The following EPS15 variants were observed in gnomAD, a reference collection of about 807,000 sequenced individuals.
EPS15 encodes epidermal growth factor receptor substrate 15.
In EPS15, 72 loss-of-function variants were observed where a neutral mutation model predicts 113.8. That is an observed-to-expected ratio of 0.63 (90% CI 0.52 to 0.77). The LOEUF (loss-of-function observed/expected upper bound fraction) is 0.77. Among genes scored for constraint, EPS15 ranks in the 30% least tolerant of loss-of-function variants. The pLI is 0.00. For missense variants in EPS15, 1,048 were observed against 1,045.8 expected (o/e 1.00, Z -0.03); for synonymous variants, 344 against 363.4 (o/e 0.95, Z 0.61).
chr1:51,429,842 G>A (rs928213010), intron 12 of EPS15, among the ~76,000 whole-genome samples: 2 of 151,932 alleles, frequency 1.3e-5, no homozygotes, highest in East Asian at 3.9e-4. Flanking sequence ...GTAGAGATGG[G>A]GTTTCACCTT....
intron 21 of EPS15, chr1:51,372,793 T>G (rs1646690438): frequency 2.3e-6 from 1 of 427,218 alleles, no homozygotes. Context: ...TTACAAGACA[T>G]CAAAGATGCT....
rs536361721 is a variant in EPS15, at chr1:51,356,841, G to A, written c.2550C>T (p.Pro850=). The stretch of plus-strand genomic sequence containing the variant: ...CCCATTCGATCATATCTTCTTCAGA[G>A]GGATACTGCCATTTAAAAGATCGAT... ...PSNFANFSAY[P]SEEDMIEWAK... Residue 850 remains proline (P), a synonymous_variant, in exon 25 of 25, where the codon CCC becomes CCT. Coordinates refer to ENST00000371733, the MANE Select transcript of EPS15 (RefSeq NM_001981.3). 1.1e-5 allele frequency: 18 copies of A among 1,607,132 alleles called. No individual in the cohort carries two copies. The African/African-American group carries it at 1.3e-4, about 12-fold the overall frequency.
chr1:51,386,363 G>C (rs1647073028), intron 21 of EPS15, among the ~76,000 whole-genome samples: 2 of 152,188 alleles, frequency 1.3e-5, no homozygotes. Context: ...ACTGAGCTGG[G>C]TAGTGGTACT....
intron 12 of EPS15, among the ~76,000 whole-genome samples, chr1:51,431,022 ACAC>A (rs1557462650): frequency 6.3e-5 from 8 of 126,464 alleles, no homozygotes; most frequent in African/African-American, 1.7e-4. Context: ...ACACACACAC[ACAC>A]ACAAAAATAA....
chr1:51,429,869 T>G (rs2148460651), intron 12 of EPS15, among the ~76,000 whole-genome samples: 1 of 152,208 alleles, frequency 6.6e-6, no homozygotes, highest in East Asian at 1.9e-4. Context: ...CAGGCTGGTC[T>G]TGAACTCCTG....
intron 12 of EPS15, among the ~76,000 whole-genome samples, chr1:51,427,247 T>A (rs1557458466): frequency 6.6e-6 from 1 of 152,144 alleles, no homozygotes. Flanking sequence ...AAACCATATA[T>A]GGGATTGCTA....
intron 5 of EPS15, among the ~76,000 whole-genome samples, chr1:51,466,681 C>T (rs1654869283): frequency 6.6e-6 from 1 of 150,936 alleles, no homozygotes; most frequent in Non-Finnish European, 1.5e-5. Context: ...TAGATCAATA[C>T]TAACTTAAAT....
At chr1:51,517,011 A>G (rs1024178694) in intron 1 of EPS15, among the ~76,000 whole-genome samples, 7 of 152,196 alleles carry the variant, frequency 4.6e-5, no homozygotes, top group Non-Finnish European at 1.0e-4. Context: ...TCAGTAATGA[A>G]TGTGAAACCA....
chr1:51,490,901 T>C (rs1433635136), intron 1 of EPS15, among the ~76,000 whole-genome samples: 1 of 152,232 alleles, frequency 6.6e-6, no homozygotes, highest in Non-Finnish European at 1.5e-5. Context: ...CCAATGTCAA[T>C]TTCCTGTTTT....
intron 12 of EPS15, among the ~76,000 whole-genome samples, chr1:51,433,203 A>T (rs34725575): frequency 0.058 from 8,797 of 152,322 alleles, 345 homozygotes; most frequent in Non-Finnish European, 0.086. Context: ...CTTCAACTAG[A>T]GAAAGAAAGT....
chr1:51,517,471 G>A (rs922745142), intron 1 of EPS15, among the ~76,000 whole-genome samples: 11 of 152,304 alleles, frequency 7.2e-5, no homozygotes, highest in African/African-American at 2.4e-4. Flanking sequence ...AGAGAATAAA[G>A]TATGCACACA....
At chr1:51,509,645 T>C (rs1365437160) in intron 1 of EPS15, among the ~76,000 whole-genome samples, 1 of 152,210 alleles carries the variant, frequency 6.6e-6, no homozygotes, top group Admixed American at 6.5e-5. Context: ...AAAGTAAATA[T>C]TGGTATGATG....
chr1:51,448,098 G>A lies in EPS15; in HGVS notation c.599C>T (p.Pro200Leu). Residue 200 changes from proline to leucine, a missense_variant, in exon 9 of 25, where the codon CCT becomes CTT. Physicochemically the swap from Pro to Leu is moderately conservative, Grantham distance 98. Coordinates refer to ENST00000371733, the MANE Select transcript of EPS15 (RefSeq NM_001981.3). Reference protein sequence around the residue: ...FLVYCALEKEPVPMSLPPALV... With the variant: ...FLVYCALEKELVPMSLPPALV... ...GGCTGGAGGCAAGGACATTGGCACAGGTTCTTTCTCCAGTGCACAGTATAC... is the reference window on the plus strand; with the variant it reads ...GGCTGGAGGCAAGGACATTGGCACAAGTTCTTTCTCCAGTGCACAGTATAC... 2.5e-6 allele frequency: 4 copies of A among 1,613,772 alleles called. No individual in the cohort carries two copies. The highest frequency in any genetic ancestry group is 3.4e-6 in the Non-Finnish European group (4 of 1,179,734).
chr1:51,510,217 C>T (rs1644594588), intron 1 of EPS15, among the ~76,000 whole-genome samples: 1 of 152,126 alleles, frequency 6.6e-6, no homozygotes, highest in South Asian at 2.1e-4. Context: ...ACACACACAC[C>T]ACTGGATAAT....
Position 51,465,266 on chromosome 1 carries a change from C to A in EPS15, c.370G>T (p.Val124Leu), listed in dbSNP as rs139871931. Residue 124 changes from valine to leucine, a missense_variant, in exon 6 of 25, where the codon GTA (valine) becomes TTA (leucine). Val to Leu is a conservative substitution (Grantham distance 32). Coordinates refer to ENST00000371733, the MANE Select transcript of EPS15 (RefSeq NM_001981.3). ...GTSAAELPWA[V>L]KPEDKAKYDA... is the part of the protein sequence containing the mutation. Reference sequence around the variant, plus strand: ...TAGTTACAAAGTTTACTTACTTTTACAGCCCATGGGAGCTCAGCTGCAGAG... The same window carrying A: ...TAGTTACAAAGTTTACTTACTTTTAAAGCCCATGGGAGCTCAGCTGCAGAG... 2.6e-4 allele frequency: 419 copies of A among 1,601,482 alleles called. 1 individual carries two copies. Among genetic ancestry groups the A allele is most frequent in the Non-Finnish European group, 3.5e-4 (407 of 1,170,996 alleles).
At chr1:51,437,528 G>A (rs1570305067) in intron 12 of EPS15, among the ~76,000 whole-genome samples, 1 of 142,362 alleles carries the variant, frequency 7.0e-6, no homozygotes, top group African/African-American at 2.6e-5. Context: ...GAGTCTCACT[G>A]TGTTGCCCAG....
chr1:51,418,982 T>C (rs1325411150), intron 13 of EPS15, among the ~76,000 whole-genome samples: 1 of 152,148 alleles, frequency 6.6e-6, no homozygotes, highest in Non-Finnish European at 1.5e-5. Flanking sequence ...AGTGAATTTC[T>C]AAAATATCTG....
chr1:51,478,076 T>C (rs1250326433), intron 2 of EPS15, among the ~76,000 whole-genome samples: 1 of 152,228 alleles, frequency 6.6e-6, no homozygotes, highest in Non-Finnish European at 1.5e-5. Context: ...CCATTATTAC[T>C]GTGTGGGAGT....
In EPS15 at chr1:51,356,066, C is replaced by T. The variant is rs574426267; in HGVS notation, c.*634G>A. On this transcript the variant is annotated 3_prime_UTR_variant, in exon 25 of 25. Coordinates refer to ENST00000371733, the MANE Select transcript of EPS15 (RefSeq NM_001981.3). ...TTAAAAATTTATTTCACACATGAGGCTTTAATATTTTTAGTTAGGAAAAGA... is the reference window on the plus strand; with the variant it reads ...TTAAAAATTTATTTCACACATGAGGTTTTAATATTTTTAGTTAGGAAAAGA... The T allele has an allele frequency of 1.9e-4, 38 of 200,928 alleles. No homozygotes were observed. The South Asian group carries it at 7.3e-3, about 38-fold the overall frequency. The allele number at this position is 200,928 out of a possible 1,614,324, so 12.4% of individuals were successfully genotyped here.
Sources: gnomAD v4.1 joint callset for allele counts (sites outside exome capture counted in the v4.1 genomes callset) on GRCh38, gnomAD v4.1.1 for gene constraint, MANE v1.5 for transcripts, NCBI Gene and HGNC (gene_info 2026-07-23, HGNC 2026-07-21) for gene names.